The following CSGALNACT1 variants were observed in gnomAD, a reference collection of about 807,000 sequenced individuals.
CSGALNACT1 encodes the protein beta4GalNAcT-1.
Under a neutral mutation model 51.0 loss-of-function variants are expected in CSGALNACT1, and 52 were observed. That is an observed-to-expected ratio of 1.02 (90% CI 0.82 to 1.29). The LOEUF (loss-of-function observed/expected upper bound fraction) is 1.29. Ranked by LOEUF, CSGALNACT1 falls within the 50% of genes most tolerant of loss-of-function variation. The probability of loss-of-function intolerance (pLI) is 0.00; values close to 1 mark genes in which losing one functional copy is unlikely to be tolerated. For missense variants in CSGALNACT1, 935 were observed against 679.2 expected, an observed-to-expected ratio of 1.38 and a Z score of -4.19; for synonymous variants, 341 against 254.4, an observed-to-expected ratio of 1.34 and a Z score of -3.24.
chr8:19,728,015 G>A (rs1564478168), intron 1 of CSGALNACT1, among the ~76,000 whole-genome samples: 2 of 152,224 alleles, frequency 1.3e-5, no homozygotes, highest in East Asian at 1.9e-4. Flanking sequence ...GGAGTTCTAC[G>A]CGCGATGCTC....
intron 1 of CSGALNACT1, among the ~76,000 whole-genome samples, chr8:19,673,787 A>T (rs1347425227): frequency 6.6e-6 from 1 of 152,208 alleles, no homozygotes; most frequent in Non-Finnish European, 1.5e-5. Flanking sequence ...AAAAGAATAG[A>T]AATTAACCCT....
chr8:19,522,260 G>C (rs1252762038), intron 3 of CSGALNACT1, among the ~76,000 whole-genome samples: 1 of 152,050 alleles, frequency 6.6e-6, no homozygotes, highest in Non-Finnish European at 1.5e-5. Context: ...GAAATAAATG[G>C]TTGGTGTGTA....
At chr8:19,678,825 C>CTGGTAAGTGACACCAAGCAGG (rs1392697972) in intron 1 of CSGALNACT1, 1 of 152,110 alleles carries the variant, frequency 6.6e-6, no homozygotes, top group Non-Finnish European at 1.5e-5. Context: ...AGGACAAGAC[C>CTGGTAAGTGACACCAAGCAGG]TGGTAAGTGA....
chr8:19,478,353 G>A (rs2070362609), intron 4 of CSGALNACT1, among the ~76,000 whole-genome samples: 1 of 139,828 alleles, frequency 7.2e-6, no homozygotes, highest in South Asian at 2.3e-4. Flanking sequence ...GGCGGAGCTT[G>A]CAGTGAGCCG....
exon 4 of CSGALNACT1, chr8:19,505,503 C>A (rs1013845199): frequency 1.9e-6 from 3 of 1,613,968 alleles, no homozygotes; most frequent in Middle Eastern, 1.6e-4. Context: ...CTCTGGGGGG[C>A]TCCTGTCCAG....
intron 1 of CSGALNACT1, among the ~76,000 whole-genome samples, chr8:19,673,863 CA>C (rs1234548590): frequency 1.3e-5 from 2 of 152,236 alleles, no homozygotes; most frequent in South Asian, 2.1e-4. Flanking sequence ...ACTCAACCAA[CA>C]AATATTTAGT....
At chr8:19,595,870 T>C (rs2048778492) in intron 2 of CSGALNACT1, among the ~76,000 whole-genome samples, 1 of 149,330 alleles carries the variant, frequency 6.7e-6, no homozygotes. Flanking sequence ...TATTTTTTTT[T>C]TTTTTTTTTT....
chr8:19,584,152 A>C (rs550290384), intron 3 of CSGALNACT1, among the ~76,000 whole-genome samples: 7 of 152,352 alleles, frequency 4.6e-5, no homozygotes, highest in Admixed American at 1.3e-4. Context: ...GACTTTTGAA[A>C]GATCACCTAC....
At chr8:19,684,601 C>A (rs543625788), upstream of CSGALNACT1, among the ~76,000 whole-genome samples, 15 of 152,064 alleles carry the variant, frequency 9.9e-5, no homozygotes, top group Non-Finnish European at 1.6e-4. Context: ...AGGGATTGCT[C>A]CCTGAAGGTA....
At chr8:19,504,791 G>C (rs2077001670) in intron 4 of CSGALNACT1, among the ~76,000 whole-genome samples, 1 of 152,176 alleles carries the variant, frequency 6.6e-6, no homozygotes, top group Non-Finnish European at 1.5e-5. Flanking sequence ...CATGGGAAAA[G>C]AATAAGTGTG....
intron 1 of CSGALNACT1, among the ~76,000 whole-genome samples, chr8:19,714,414 T>C (rs1457049058): frequency 1.3e-5 from 2 of 152,204 alleles, no homozygotes; most frequent in African/African-American, 4.8e-5. Context: ...GTCATTACTT[T>C]GGGAAACTTC....
At chr8:19,668,132 A>G (rs1466043266) in intron 1 of CSGALNACT1, among the ~76,000 whole-genome samples, 2 of 152,212 alleles carry the variant, frequency 1.3e-5, no homozygotes, top group Admixed American at 6.5e-5. Flanking sequence ...ACAATGAAAA[A>G]TAGTTTTCAT....
At chr8:19,495,126 T>A (rs998624476) in intron 4 of CSGALNACT1, 3 of 152,180 alleles carry the variant, frequency 2.0e-5, no homozygotes, top group Non-Finnish European at 2.9e-5. Flanking sequence ...GGAGGAAGAA[T>A]GCGTCCTAGA....
intron 1 of CSGALNACT1, among the ~76,000 whole-genome samples, chr8:19,635,474 G>A (rs890305077): frequency 1.1e-4 from 16 of 152,144 alleles, no homozygotes; most frequent in Admixed American, 2.0e-4. Context: ...GCATACATGT[G>A]GCATCTGTTA....
At chr8:19,744,715 A>T (rs1233785680) in intron 1 of CSGALNACT1, among the ~76,000 whole-genome samples, 1 of 152,228 alleles carries the variant, frequency 6.6e-6, no homozygotes, top group East Asian at 1.9e-4. Flanking sequence ...CCAAGGTCAG[A>T]TTTACACTCA....
chr8:19,670,184 T>C (rs2059682371), intron 1 of CSGALNACT1, among the ~76,000 whole-genome samples: 1 of 152,178 alleles, frequency 6.6e-6, no homozygotes, highest in Non-Finnish European at 1.5e-5. Context: ...GTTTTTGCAC[T>C]TATAATCCCA....
At chr8:19,746,190 T>C (rs1189621607) in intron 1 of CSGALNACT1, among the ~76,000 whole-genome samples, 3 of 152,216 alleles carry the variant, frequency 2.0e-5, no homozygotes, top group Non-Finnish European at 4.4e-5. Flanking sequence ...AGCCCTAGCG[T>C]AGTAATATAT....
chr8:19,683,846 C>A (rs1027754899), upstream of CSGALNACT1, among the ~76,000 whole-genome samples: 5 of 151,686 alleles, frequency 3.3e-5, no homozygotes, highest in Non-Finnish European at 7.4e-5. Flanking sequence ...GGACAGAGGG[C>A]AAGACCACAT....
chr8:19,458,609 A>T lies in CSGALNACT1; in HGVS notation c.668T>A (p.Leu223Ter). The T allele has an allele frequency of 6.2e-7, 1 of 1,614,218 alleles. No individual in the cohort carries two copies. Among genetic ancestry groups the T allele is most frequent in the Non-Finnish European group, 8.5e-7 (1 of 1,180,050 alleles). The change falls in exon 5 of 10, where the codon TTG (leucine) becomes TAG (stop). Residue 223 changes from leucine (L) to a stop codon, truncating the protein, a stop_gained. Coordinates refer to ENST00000454498, the Ensembl canonical transcript of CSGALNACT1. LOFTEE classifies it high-confidence loss of function. Reference sequence around the variant, plus strand: ...GTCCCCTTTGAAGGTGAGCTCATACAATGTCCCTTTGTCCCTTTCTGTTCG... The same window carrying T: ...GTCCCCTTTGAAGGTGAGCTCATACTATGTCCCTTTGTCCCTTTCTGTTCG...
Sources: allele counts gnomAD v4.1 joint callset (sites outside exome capture counted in the v4.1 genomes callset), GRCh38; gene constraint gnomAD v4.1.1; transcripts MANE v1.5; gene names NCBI Gene and HGNC (gene_info 2026-07-23, HGNC 2026-07-21).